The following DIDO1 variants were observed in gnomAD, a reference collection of about 807,000 sequenced individuals.
DIDO1 encodes death-inducer obliterator 1.
A neutral mutation model predicts 99.4 loss-of-function variants in DIDO1; 16 were observed. The ratio of observed to expected loss-of-function variants is 0.16; its 90% CI spans 0.11 to 0.24. The LOEUF (loss-of-function observed/expected upper bound fraction) is 0.24. DIDO1 is among the 10% of genes least tolerant of loss of function. DIDO1 has a pLI of 1.00. For missense variants in DIDO1, 2,996 were observed against 3,014.0 expected (o/e 0.99, Z 0.14); for synonymous variants, 1,366 against 1,239.1 (o/e 1.10, Z -2.15).
chr20:62,910,342 C>G (rs1042451727), intron 3 of DIDO1, among the ~76,000 whole-genome samples: 1 of 152,234 alleles, frequency 6.6e-6, no homozygotes, highest in African/African-American at 2.4e-5. Flanking sequence ...GACACCCAGT[C>G]CTAGCAGAGA....
intron 6 of DIDO1, chr20:62,905,140 T>C: frequency 9.8e-7 from 1 of 1,021,368 alleles, no homozygotes; most frequent in Non-Finnish European, 1.2e-6. Flanking sequence ...CAGGATATGA[T>C]CTTAAGAGTC....
intron 6 of DIDO1, among the ~76,000 whole-genome samples, chr20:62,903,484 C>G (rs2064730150): frequency 6.6e-6 from 1 of 152,200 alleles, no homozygotes; most frequent in Admixed American, 6.5e-5. Flanking sequence ...GGAGGGCGAG[C>G]TCCGTGGCCA....
At chr20:62,927,208 C>A (rs992698663), upstream of DIDO1, among the ~76,000 whole-genome samples, 3 of 152,200 alleles carry the variant, frequency 2.0e-5, no homozygotes, top group Non-Finnish European at 4.4e-5. Context: ...AAAGCTCTGC[C>A]TCCTCCCACC....
At chr20:62,918,051 A>G (rs1014874011) in intron 1 of DIDO1, among the ~76,000 whole-genome samples, 2 of 152,240 alleles carry the variant, frequency 1.3e-5, no homozygotes, top group African/African-American at 4.8e-5. Flanking sequence ...AAGAGACTTT[A>G]AACATTTCCT....
upstream of DIDO1, among the ~76,000 whole-genome samples, chr20:62,927,505 G>T (rs573746056): frequency 1.3e-5 from 2 of 152,318 alleles, no homozygotes; most frequent in South Asian, 4.1e-4. Flanking sequence ...CTGGCCACTT[G>T]CTCCGAGGGC....
At chr20:62,891,861 G>A (rs2064406207) in intron 14 of DIDO1, 126 bp downstream of exon 14, 6 of 761,942 alleles carry the variant, frequency 7.9e-6, no homozygotes, top group Non-Finnish European at 1.0e-5. Context: ...CATTCACCTG[G>A]AAATATCTAG....
intron 8 of DIDO1, among the ~76,000 whole-genome samples, chr20:62,895,894 T>C (rs996718639): frequency 6.6e-6 from 1 of 152,188 alleles, no homozygotes; most frequent in Non-Finnish European, 1.5e-5. Flanking sequence ...GACACCCTCA[T>C]ACACTGGGAT....
rs993292715 is a variant in DIDO1 at position 62,891,067 on chromosome 20, C to T, written c.3434G>A (p.Arg1145His). Residue 1145 changes from arginine to histidine, a missense_variant, in exon 15 of 16, where the codon CGC (arginine) becomes CAC (histidine). Arg to His is a conservative substitution (Grantham distance 29, BLOSUM62 0). Around this residue, in one of 5 missense-constraint regions of DIDO1, gnomAD observed 135 missense variants for 202.3 expected, o/e 0.67. Transcript: ENST00000395343. The part of the protein sequence containing the change: ...SLYSYFSSRG[R>H]FGVVANNNRH... ...GTTGTTATTAGCTACAACACCAAAGCGGCCACGGCTGCTGAAATAGGAGTA... is the reference window on the plus strand; with the variant it reads ...GTTGTTATTAGCTACAACACCAAAGTGGCCACGGCTGCTGAAATAGGAGTA... 1 of 1,614,154 alleles carries T rather than the reference C, an allele frequency of 6.2e-7. No individual in the cohort carries two copies. The highest frequency in any genetic ancestry group is 8.5e-7 in the Non-Finnish European group (1 of 1,180,038).
intron 15 of DIDO1, among the ~76,000 whole-genome samples, chr20:62,884,220 C>T (rs1408187908): frequency 1.3e-5 from 2 of 151,910 alleles, no homozygotes; most frequent in Non-Finnish European, 2.9e-5. Flanking sequence ...AAAAATTATT[C>T]AAAGATATTC....
chr20:62,879,362 G>A lies in DIDO1; in HGVS notation c.6594C>T (p.Asp2198=), dbSNP rs2064155712. The change falls in exon 16 of 16, where the codon GAC becomes GAT. Residue 2198 remains aspartate (D), a synonymous_variant. Coordinates refer to ENST00000395343, the MANE Select transcript of DIDO1 (RefSeq NM_001193369.2). The surrounding 1 kb of genome is among the most constrained non-coding windows in gnomAD (Gnocchi z 6.3). ...GCTCCCTGTCCCTGGCCTTGTCTCG[G>A]TCCCGCTCTCTGCTCCGGGACCGGT... ...DRDRSRSRER[D]RDKARDRERG... The A allele has an allele frequency of 1.9e-6, 3 of 1,548,948 alleles. No homozygotes were observed. Among genetic ancestry groups the A allele is most frequent in the South Asian group, 2.4e-5 (2 of 84,872 alleles).
intron 6 of DIDO1, among the ~76,000 whole-genome samples, chr20:62,900,261 C>G (rs1354466130): frequency 6.6e-6 from 1 of 152,234 alleles, no homozygotes; most frequent in Non-Finnish European, 1.5e-5. Flanking sequence ...GGGGCCTGCC[C>G]AGGCCACTGG....
chr20:62,928,186 G>C (rs927102279), upstream of DIDO1, among the ~76,000 whole-genome samples: 3 of 152,116 alleles, frequency 2.0e-5, no homozygotes, highest in Non-Finnish European at 2.9e-5. Context: ...TTTAACTCTT[G>C]GGTACAGTTT....
In DIDO1 at chr20:62,892,845, C is replaced by G; in HGVS notation, c.3219G>C (p.Ala1073=). ...AATCAAAACACCCAGAGACAGGATA[C>G]GCCTTAGTGACAAATTTTGCCACAC... is the stretch of plus-strand genomic sequence containing the variant. ...MQSVAKFVTK[A]YPVSGCFDYL... The change falls in exon 13 of 16, where the codon GCG becomes GCC. Residue 1073 remains alanine (A), a synonymous_variant. Transcript: ENST00000395343. 1 of 1,613,998 alleles carries G rather than the reference C, an allele frequency of 6.2e-7. No homozygotes were observed. The highest frequency in any genetic ancestry group is 8.5e-7 in the Non-Finnish European group (1 of 1,179,960).
At chr20:62,902,489 G>A (rs537412887) in intron 6 of DIDO1, among the ~76,000 whole-genome samples, 6 of 152,214 alleles carry the variant, frequency 3.9e-5, no homozygotes, top group South Asian at 2.1e-4. Flanking sequence ...GAGCTCACGC[G>A]ACCAGTGAAA....
At chr20:62,907,032 G>A (rs1407151286) in intron 5 of DIDO1, 115 bp downstream of exon 5, 21 of 1,037,740 alleles carry the variant, frequency 2.0e-5, no homozygotes, top group Admixed American at 1.2e-4. Flanking sequence ...GCGACACCAC[G>A]TGTGCGCCCC....
intron 1 of DIDO1, among the ~76,000 whole-genome samples, chr20:62,925,343 G>A (rs1348132583): frequency 6.6e-6 from 1 of 152,186 alleles, no homozygotes; most frequent in Non-Finnish European, 1.5e-5. Context: ...CACTGCTAAG[G>A]ACCTTTCTCA....
Position 62,910,891 on chromosome 20 carries a change from T to C in DIDO1, c.722A>G (p.Lys241Arg), listed in dbSNP as rs1233572164. ...CTCATCTTTGATGTCCTGAGCCGCC[T>C]TTCCCTCCAACTTACTCTCTCTGTC... Reference protein sequence around the residue: ...KDDRESKLEGKAAQDIKDEEP... With the variant: ...KDDRESKLEGRAAQDIKDEEP... Residue 241 changes from lysine (K) to arginine (R), a missense_variant, in exon 3 of 16, where the codon AAG (lysine) becomes AGG (arginine). By Grantham distance (26) the Lys-to-Arg change is conservative (BLOSUM62 2). Coordinates refer to ENST00000395343, the MANE Select transcript of DIDO1 (RefSeq NM_001193369.2). 2 of 1,614,200 alleles carry C rather than the reference T, an allele frequency of 1.2e-6. No homozygotes were observed. Among genetic ancestry groups the C allele is most frequent in the South Asian group, 1.1e-5 (1 of 91,092 alleles).
At chr20:62,900,716 G>A (rs1461171522) in intron 6 of DIDO1, among the ~76,000 whole-genome samples, 1 of 152,240 alleles carries the variant, frequency 6.6e-6, no homozygotes, top group Non-Finnish European at 1.5e-5. Context: ...TGTTGACAAT[G>A]AAGTGGCCTG....
At chr20:62,925,883 T>C (rs2065242595) in intron 1 of DIDO1, among the ~76,000 whole-genome samples, 1 of 152,106 alleles carries the variant, frequency 6.6e-6, no homozygotes, top group African/African-American at 2.4e-5. Context: ...GAAAAGCGAA[T>C]CCGGGCTCTT....
Sources: allele counts gnomAD v4.1 joint callset (sites outside exome capture counted in the v4.1 genomes callset), GRCh38; gene constraint gnomAD v4.1.1; regional missense constraint gnomAD v4.1.1; non-coding constraint Gnocchi (gnomAD v3.1); transcripts MANE v1.5; gene names NCBI Gene and HGNC (gene_info 2026-07-23, HGNC 2026-07-21).